TENM1: variants seen among roughly 807,000 people sequenced by gnomAD.
The protein encoded by TENM1 is teneurin transmembrane protein 1.
TENM1 carries 35 observed loss-of-function variants against 174.8 expected under a neutral mutation model. The ratio of observed to expected loss-of-function variants is 0.20; its 90% confidence interval spans 0.15 to 0.27. The LOEUF (loss-of-function observed/expected upper bound fraction) is 0.27, where lower values mean the gene tolerates loss of function less well. Among genes scored for constraint, TENM1 ranks in the 10% least tolerant of loss-of-function variants. TENM1 has a pLI of 1.00. For missense variants in TENM1, 1,633 were observed against 2,130.1 expected, an observed-to-expected ratio of 0.77 and a Z score of 4.59; for synonymous variants, 781 against 798.7, an observed-to-expected ratio of 0.98 and a Z score of 0.37.
At chrX:124,380,649 G>A (rs369803028) in exon 32 of TENM1, 28 of 1,209,402 alleles carry the variant, frequency 2.3e-5, no homozygotes, top group African/African-American at 3.5e-5. Flanking sequence ...CCTTGTACCC[G>A]CCCAGTGCTC....
chrX:124,996,932 C>T, the TENM1 span, among the ~76,000 whole-genome samples: 4 of 111,182 alleles, frequency 3.6e-5, no homozygotes, highest in Non-Finnish European at 7.6e-5. Context: ...AGAGAGAAAG[C>T]GAAGTGGATG....
In TENM1 at chrX:124,645,153, T is replaced by C. The variant is rs773881594; in HGVS notation, c.1866A>G (p.Ile622Met). The change falls in exon 10 of 32, where the codon ATA becomes ATG. Residue 622 changes from isoleucine to methionine, a missense_variant. Physicochemically the swap from Ile to Met is conservative, Grantham distance 10. This residue lies in a region of TENM1 where 449 missense variants were observed against 636.2 expected (regional missense o/e 0.71). Coordinates refer to ENST00000422452, the Ensembl canonical transcript of TENM1. ...AAATGGGATTCTGACCTTCCTCGCA[T>C]ATTTCTCCTTTGTATCCTGGCACAC... 6.6e-6 allele frequency: 8 copies of C among 1,208,313 alleles called. No homozygotes were observed. In the East Asian group the frequency reaches 2.1e-4, roughly 31 times the overall value.
chrX:124,759,678 A>G (rs1569431414), intron 3 of TENM1, among the ~76,000 whole-genome samples: 1 of 112,249 alleles, frequency 8.9e-6, no homozygotes, highest in Non-Finnish European at 1.9e-5. Flanking sequence ...CTTAATGTAA[A>G]TAATCAGTTG....
chrX:125,112,105 G>A, the TENM1 span, among the ~76,000 whole-genome samples: 1 of 106,356 alleles, frequency 9.4e-6, no homozygotes, highest in Non-Finnish European at 1.9e-5. Context: ...ATTTGTACCA[G>A]ATAGTAGCAA....
chrX:124,562,673 G>A (rs1569309435), intron 13 of TENM1, among the ~76,000 whole-genome samples: 2 of 112,491 alleles, frequency 1.8e-5, no homozygotes, highest in Non-Finnish European at 3.8e-5. Flanking sequence ...CTTTGTACCC[G>A]TAGTCTGGAG....
the TENM1 span, among the ~76,000 whole-genome samples, chrX:125,138,270 G>C: frequency 9.1e-6 from 1 of 109,622 alleles, no homozygotes; most frequent in Non-Finnish European, 1.9e-5. Context: ...TTCTGCAGTA[G>C]CAGAGATGGA....
intron 3 of TENM1, among the ~76,000 whole-genome samples, chrX:124,747,299 C>A (rs184117455): frequency 1.8e-5 from 2 of 109,182 alleles, no homozygotes; most frequent in Admixed American, 2.0e-4. Context: ...TGTATAGATG[C>A]CTTCAGAAAA....
chrX:124,862,354 G>T (rs2056927593), intron 3 of TENM1, among the ~76,000 whole-genome samples: 2 of 111,558 alleles, frequency 1.8e-5, no homozygotes, highest in Non-Finnish European at 3.8e-5. Flanking sequence ...GCTGAAAGCG[G>T]CACTGAAGAG....
intron 11 of TENM1, among the ~76,000 whole-genome samples, chrX:124,603,501 T>C (rs1469760454): frequency 9.0e-6 from 1 of 111,368 alleles, no homozygotes; most frequent in Non-Finnish European, 1.9e-5. Context: ...ACTCTACACA[T>C]GAGGGGACTG....
chrX:125,140,138 C>T, the TENM1 span, among the ~76,000 whole-genome samples: 33 of 111,682 alleles, frequency 3.0e-4, no homozygotes, highest in African/African-American at 1.0e-3. Flanking sequence ...AACACAATTT[C>T]AGGCAAGGTG....
At chrX:124,530,855 C>A (rs1304473871) in intron 15 of TENM1, among the ~76,000 whole-genome samples, 1 of 112,308 alleles carries the variant, frequency 8.9e-6, no homozygotes, top group East Asian at 2.8e-4. Flanking sequence ...GGGACATAGT[C>A]CACTAAAACA....
chrX:125,009,821 A>G, the TENM1 span, among the ~76,000 whole-genome samples: 1 of 112,043 alleles, frequency 8.9e-6, no homozygotes, highest in African/African-American at 3.2e-5. Context: ...GGCCTTCAAT[A>G]AAATTCAACA....
intron 3 of TENM1, among the ~76,000 whole-genome samples, chrX:124,810,221 T>C (rs2055728511): frequency 8.9e-6 from 1 of 111,775 alleles, no homozygotes; most frequent in Non-Finnish European, 1.9e-5. Context: ...CCAGAATAAT[T>C]AGACAGTAGA....
At chrX:124,445,533 C>T (rs1289946265) in intron 23 of TENM1, among the ~76,000 whole-genome samples, 1 of 112,103 alleles carries the variant, frequency 8.9e-6, no homozygotes. Context: ...TTCCCCTACC[C>T]GTGTTAGACC....
chrX:125,144,789 GT>G, the TENM1 span, among the ~76,000 whole-genome samples: 1 of 108,529 alleles, frequency 9.2e-6, no homozygotes. Context: ...CCAGGCTGGA[GT>G]GCAGTGGCAC....
At chrX:124,654,936 A>G (rs1411508246) in intron 6 of TENM1, among the ~76,000 whole-genome samples, 2 of 111,877 alleles carry the variant, frequency 1.8e-5, no homozygotes, top group Non-Finnish European at 3.8e-5. Context: ...GTGAAAAATA[A>G]TTTCATGTGA....
intron 15 of TENM1, among the ~76,000 whole-genome samples, chrX:124,541,554 G>C (rs1305301155): frequency 8.9e-6 from 1 of 112,163 alleles, no homozygotes; most frequent in African/African-American, 3.2e-5. Flanking sequence ...CATGCTTCCT[G>C]TAAAGCCTGC....
chrX:124,596,623 C>A (rs1349386307), intron 11 of TENM1, among the ~76,000 whole-genome samples: 2 of 111,413 alleles, frequency 1.8e-5, no homozygotes, highest in African/African-American at 6.5e-5. Flanking sequence ...GATGAATGGG[C>A]AAACGTATGT....
the TENM1 span, among the ~76,000 whole-genome samples, chrX:124,987,701 T>TTTTGTGTGTGTG: frequency 1.1e-5 from 1 of 91,384 alleles, no homozygotes; most frequent in African/African-American, 4.1e-5. Flanking sequence ...GTTCTGCATT[T>TTTTGTGTGTGTG]TGTGTGTGTG....
Sources: gnomAD v4.1 joint callset for allele counts (sites outside exome capture counted in the v4.1 genomes callset) on GRCh38, gnomAD v4.1.1 for gene constraint, gnomAD v4.1.1 regional missense constraint, MANE v1.5 for transcripts, NCBI Gene and HGNC (gene_info 2026-07-23, HGNC 2026-07-21) for gene names.